Variants in MICU3 observed in about 807,000 individuals in gnomAD.
The protein encoded by MICU3 is mitochondrial calcium uptake 3.
In MICU3, 62 loss-of-function variants were observed where a neutral mutation model predicts 66.5. The observed-to-expected ratio is 0.93, with a 90% confidence interval of 0.76 to 1.15. MICU3 has a LOEUF of 1.15. Among genes scored for constraint, MICU3 ranks in the 50% most tolerant of loss-of-function variants. The probability of loss-of-function intolerance (pLI) is 0.00; values close to 1 mark genes in which losing one functional copy is unlikely to be tolerated. For synonymous variants in MICU3, 308 were observed against 240.7 expected, an observed-to-expected ratio of 1.28 and a Z score of -2.59; for missense variants, 779 against 664.4, an observed-to-expected ratio of 1.17 and a Z score of -1.90.
intron 1 of MICU3, among the ~76,000 whole-genome samples, chr8:17,043,510 A>G (rs1454317826): frequency 6.6e-6 from 1 of 152,220 alleles, no homozygotes. Flanking sequence ...GGACAGTGAT[A>G]GGCAGGTTTT....
intron 13 of MICU3, among the ~76,000 whole-genome samples, chr8:17,118,026 C>T (rs1008401733): frequency 2.6e-5 from 4 of 152,184 alleles, no homozygotes; most frequent in African/African-American, 9.6e-5. Flanking sequence ...AGTAAAGATG[C>T]TGTGTACTTA....
intron 2 of MICU3, among the ~76,000 whole-genome samples, chr8:17,066,561 G>A (rs1163558258): frequency 2.4e-5 from 1 of 41,700 alleles, no homozygotes; most frequent in African/African-American, 1.2e-4. Flanking sequence ...TTTTTTTTTT[G>A]AGGCAGGGTC....
chr8:17,129,575 G>A, the MICU3 span, among the ~76,000 whole-genome samples: 1 of 152,058 alleles, frequency 6.6e-6, no homozygotes, highest in Non-Finnish European at 1.5e-5. Flanking sequence ...CTTAAAGGCA[G>A]GGAAATACAA....
At chr8:17,129,863 T>C in the MICU3 span, among the ~76,000 whole-genome samples, 1 of 152,124 alleles carries the variant, frequency 6.6e-6, no homozygotes, top group Admixed American at 6.5e-5. Context: ...AAAACAAAAA[T>C]TTTTTTTCAG....
chr8:17,109,636 G>T (rs1270913405), intron 11 of MICU3, among the ~76,000 whole-genome samples: 2 of 152,160 alleles, frequency 1.3e-5, no homozygotes, highest in Non-Finnish European at 2.9e-5. Flanking sequence ...CTAGAAATTG[G>T]TTCCTCTAAG....
chr8:17,074,117 A>T (rs899537989), intron 3 of MICU3, among the ~76,000 whole-genome samples: 8 of 149,906 alleles, frequency 5.3e-5, no homozygotes, highest in Admixed American at 3.3e-4. Context: ...CCATCTCCTG[A>T]CCTCGTGATC....
chr8:17,114,251 T>C, intron 12 of MICU3, 50 bp downstream of exon 12: 1 of 1,215,906 alleles, frequency 8.2e-7, no homozygotes, highest in South Asian at 1.4e-5. Flanking sequence ...ACTACATTGT[T>C]TCTATAGATT....
At chr8:17,051,497 G>T (rs1231127905) in intron 1 of MICU3, among the ~76,000 whole-genome samples, 1 of 152,172 alleles carries the variant, frequency 6.6e-6, no homozygotes, top group Non-Finnish European at 1.5e-5. Context: ...GTGGGTAATT[G>T]TAGATTTAAA....
At chr8:17,074,877 G>A (rs1225739180) in intron 3 of MICU3, among the ~76,000 whole-genome samples, 2 of 151,860 alleles carry the variant, frequency 1.3e-5, no homozygotes, top group Non-Finnish European at 2.9e-5. Flanking sequence ...ATTTAATTCT[G>A]ACGCTAACCA....
At chr8:17,119,755 C>A (rs1436722441) in intron 14 of MICU3, among the ~76,000 whole-genome samples, 1 of 152,012 alleles carries the variant, frequency 6.6e-6, no homozygotes, top group African/African-American at 2.4e-5. Flanking sequence ...TGGCAGTATT[C>A]AGCATTTTAC....
At chr8:17,048,432 C>T (rs967706271) in intron 1 of MICU3, among the ~76,000 whole-genome samples, 5 of 152,086 alleles carry the variant, frequency 3.3e-5, no homozygotes, top group African/African-American at 4.8e-5. Context: ...GGGGAACGCC[C>T]CTTTATATAA....
At chr8:17,099,687 G>C (rs777064204) in intron 9 of MICU3, among the ~76,000 whole-genome samples, 1 of 151,852 alleles carries the variant, frequency 6.6e-6, no homozygotes, top group Middle Eastern at 3.4e-3. Context: ...AGATATTTTA[G>C]AAGCACTTTA....
At chr8:17,069,527 A>G (rs1490785711) in intron 2 of MICU3, among the ~76,000 whole-genome samples, 161 bp from the exon 3 acceptor site, 1 of 152,082 alleles carries the variant, frequency 6.6e-6, no homozygotes, top group Non-Finnish European at 1.5e-5. Context: ...GATAACATAT[A>G]TAAGATCATA....
chr8:17,077,400 C>T (rs921728791), intron 3 of MICU3, among the ~76,000 whole-genome samples: 4 of 152,100 alleles, frequency 2.6e-5, no homozygotes, highest in African/African-American at 9.7e-5. Flanking sequence ...GTGATGTGAC[C>T]ATCTCCGACC....
chr8:17,084,156 TATCTATA>T (rs1821604439), intron 5 of MICU3, among the ~76,000 whole-genome samples: 2 of 152,256 alleles, frequency 1.3e-5, no homozygotes, highest in Admixed American at 1.3e-4. Context: ...CTTGGTTACC[TATCTATA>T]AGTGTCTCCC....
chr8:17,098,396 T>C, intron 8 of MICU3, 62 bp from the exon 9 acceptor site: 1 of 1,083,486 alleles, frequency 9.2e-7, no homozygotes, highest in South Asian at 1.2e-5. Flanking sequence ...TTAAAGTGTA[T>C]AAATTATCAT....
chr8:17,041,262 A>C (rs919851761), intron 1 of MICU3, among the ~76,000 whole-genome samples: 16 of 152,020 alleles, frequency 1.1e-4, no homozygotes, highest in African/African-American at 3.9e-4. Flanking sequence ...AAGTTGGGTC[A>C]AGACAGGTTA....
intron 13 of MICU3, among the ~76,000 whole-genome samples, chr8:17,117,436 C>G (rs1802787677): frequency 6.6e-6 from 1 of 151,794 alleles, no homozygotes. Context: ...TGATTTTTTT[C>G]CCCCAAGAAA....
intron 1 of MICU3, among the ~76,000 whole-genome samples, chr8:17,031,706 G>A (rs985230170): frequency 2.0e-5 from 3 of 152,116 alleles, no homozygotes; most frequent in African/African-American, 7.2e-5. Flanking sequence ...CTGAGCATAA[G>A]CCTGGCGTGT....
Sources: gnomAD v4.1 joint callset for allele counts (sites outside exome capture counted in the v4.1 genomes callset) on GRCh38, gnomAD v4.1.1 for gene constraint, MANE v1.5 for transcripts, NCBI Gene and HGNC (gene_info 2026-07-23, HGNC 2026-07-21) for gene names.